UNC13C: variants seen among roughly 807,000 people sequenced by gnomAD.
The protein encoded by UNC13C is unc-13 homolog C.
A neutral mutation model predicts 245.4 loss-of-function variants in UNC13C; 174 were observed. The observed-to-expected ratio is 0.71, with a 90% CI of 0.63 to 0.80. UNC13C has a LOEUF of 0.80. Among genes scored for constraint, UNC13C ranks in the 30% least tolerant of loss-of-function variants. The pLI is 0.00. For missense variants in UNC13C, 2,829 were observed against 2,602.9 expected, an observed-to-expected ratio of 1.09 and a Z score of -1.89; for synonymous variants, 992 against 895.1, an observed-to-expected ratio of 1.11 and a Z score of -1.93.
At chr15:54,335,405 C>T (rs78732773) in intron 16 of UNC13C, among the ~76,000 whole-genome samples, 1 of 152,038 alleles carries the variant, frequency 6.6e-6, no homozygotes, top group Non-Finnish European at 1.5e-5. Context: ...TCCTGTTATT[C>T]TTTTTTCTCA....
At chr15:54,487,628 G>A (rs1238514060) in intron 19 of UNC13C, among the ~76,000 whole-genome samples, 1 of 151,950 alleles carries the variant, frequency 6.6e-6, no homozygotes, top group Admixed American at 6.6e-5. Flanking sequence ...TTAGCCAGGT[G>A]TAGTGACACT....
At chr15:54,393,831 T>C (rs572971668) in intron 18 of UNC13C, among the ~76,000 whole-genome samples, 1 of 151,972 alleles carries the variant, frequency 6.6e-6, no homozygotes, top group South Asian at 2.1e-4. Context: ...ATAAAGGTGT[T>C]ATTATTAGAT....
chr15:54,472,149 C>T (rs766924390), intron 19 of UNC13C, among the ~76,000 whole-genome samples: 13 of 151,390 alleles, frequency 8.6e-5, no homozygotes, highest in Non-Finnish European at 1.3e-4. Flanking sequence ...TTGTGGTTAC[C>T]CTAATGCTTA....
At chr15:54,084,566 A>G (rs1899133195) in intron 2 of UNC13C, among the ~76,000 whole-genome samples, 1 of 152,114 alleles carries the variant, frequency 6.6e-6, no homozygotes, top group South Asian at 2.1e-4. Flanking sequence ...TTTGGTATGT[A>G]TCCTTTAATG....
chr15:54,169,314 T>G (rs568866299), intron 4 of UNC13C, among the ~76,000 whole-genome samples: 3 of 152,218 alleles, frequency 2.0e-5, no homozygotes, highest in Non-Finnish European at 4.4e-5. Flanking sequence ...TCATTTTGAA[T>G]TTTTGCATTT....
At chr15:54,380,862 T>A (rs919509964) in intron 17 of UNC13C, among the ~76,000 whole-genome samples, 1 of 152,140 alleles carries the variant, frequency 6.6e-6, no homozygotes. Flanking sequence ...GGGTAGTAAC[T>A]CCTTATCAAA....
intron 4 of UNC13C, among the ~76,000 whole-genome samples, chr15:54,207,242 G>A (rs900145725): frequency 6.6e-6 from 1 of 152,024 alleles, no homozygotes; most frequent in Non-Finnish European, 1.5e-5. Context: ...GTGGGATCCG[G>A]TGAGGGGTGT....
upstream of UNC13C, among the ~76,000 whole-genome samples, chr15:53,977,863 C>T (rs1289472984): frequency 1.3e-5 from 2 of 152,200 alleles, no homozygotes; most frequent in African/African-American, 2.4e-5. Flanking sequence ...CTTTGCATCA[C>T]TGTAAGTTAC....
At position 54,338,382 on chromosome 15, in the gene UNC13C, C is replaced by T; in HGVS notation, c.4606C>T (p.Pro1536Ser). The T allele has an allele frequency of 6.2e-7, 1 of 1,612,620 alleles. No individual in the cohort carries two copies. The highest frequency in any genetic ancestry group is 8.5e-7 in the Non-Finnish European group (1 of 1,179,026). ...TCAGGTTCTGGAGCTGCAAAGCCCC[C>T]CAAAAGCGAGCATGGTGGTGAAGGA... is the stretch of plus-strand genomic sequence containing the variant. Reference protein sequence around the residue: ...RMKVLELQSPPKASMVVKDCV... With the variant: ...RMKVLELQSPSKASMVVKDCV... The change falls in exon 17 of 33, where the codon CCA (proline) becomes TCA (serine). Residue 1536 changes from proline (P) to serine (S), a missense_variant. By Grantham distance (74) the Pro-to-Ser change is moderately conservative (BLOSUM62 -1). Coordinates refer to ENST00000260323, the MANE Select transcript of UNC13C (RefSeq NM_001080534.3).
At chr15:54,535,077 A>G (rs922403441) in intron 26 of UNC13C, among the ~76,000 whole-genome samples, 33 of 152,216 alleles carry the variant, frequency 2.2e-4, no homozygotes, top group Admixed American at 2.1e-3. Flanking sequence ...TTGAATATAA[A>G]TGGACTAAAT....
intron 4 of UNC13C, among the ~76,000 whole-genome samples, chr15:54,155,848 A>T (rs1027863083): frequency 3.9e-5 from 6 of 152,220 alleles, no homozygotes; most frequent in Admixed American, 1.3e-4. Flanking sequence ...TATGGAAAAT[A>T]AAATGCAGAC....
chr15:54,225,969 G>A (rs2035369198), intron 4 of UNC13C, among the ~76,000 whole-genome samples: 1 of 152,126 alleles, frequency 6.6e-6, no homozygotes, highest in South Asian at 2.1e-4. Context: ...TTATTATTTT[G>A]AGGTATGTTC....
chr15:54,293,838 C>A (rs1004572480), intron 10 of UNC13C, 57 bp from the exon 11 acceptor site: 29 of 1,380,704 alleles, frequency 2.1e-5, no homozygotes, highest in Non-Finnish European at 4.8e-6. Flanking sequence ...GTACTAACAT[C>A]AAATGGAATT....
chr15:54,184,808 G>C (rs1409547039), intron 4 of UNC13C, among the ~76,000 whole-genome samples: 4 of 152,136 alleles, frequency 2.6e-5, no homozygotes, highest in African/African-American at 4.8e-5. Context: ...GGGTCAAATG[G>C]TATTTCTAGT....
At chr15:54,459,234 T>G (rs1891703082) in intron 19 of UNC13C, among the ~76,000 whole-genome samples, 1 of 152,246 alleles carries the variant, frequency 6.6e-6, no homozygotes, top group Admixed American at 6.5e-5. Context: ...CCCTTCTGAC[T>G]TGCAGTTTTT....
intron 10 of UNC13C, among the ~76,000 whole-genome samples, chr15:54,292,567 C>T (rs1170823853): frequency 7.2e-5 from 11 of 151,876 alleles, no homozygotes; most frequent in Admixed American, 7.2e-4. Context: ...ACATTATACT[C>T]AGGAATTCTC....
chr15:54,038,176 C>T (rs1381975551), intron 2 of UNC13C, among the ~76,000 whole-genome samples: 1 of 123,132 alleles, frequency 8.1e-6, no homozygotes, highest in African/African-American at 3.2e-5. Flanking sequence ...AGCTGGAGTA[C>T]AGTGGTGTGA....
At chr15:54,461,782 G>A (rs562940352) in intron 19 of UNC13C, among the ~76,000 whole-genome samples, 1 of 152,312 alleles carries the variant, frequency 6.6e-6, no homozygotes, top group South Asian at 2.1e-4. Context: ...GTCTACAGAA[G>A]AGAGCAGATT....
At chr15:54,394,357 C>G (rs1461333939) in intron 18 of UNC13C, among the ~76,000 whole-genome samples, 1 of 151,876 alleles carries the variant, frequency 6.6e-6, no homozygotes, top group Non-Finnish European at 1.5e-5. Context: ...CTTATATCTG[C>G]CTTTTCTTCC....
Sources: allele counts gnomAD v4.1 joint callset (sites outside exome capture counted in the v4.1 genomes callset), GRCh38; gene constraint gnomAD v4.1.1; transcripts MANE v1.5; gene names NCBI Gene and HGNC (gene_info 2026-07-23, HGNC 2026-07-21).